ASAP1: variants seen among roughly 807,000 people sequenced by gnomAD.
ASAP1 encodes ArfGAP with SH3 domain, ankyrin repeat and PH domain 1, also known as arf-GAP with SH3 domain, ANK repeat and PH domain-containing protein 1.
A neutral mutation model predicts 145.2 loss-of-function variants in ASAP1; 43 were observed. That is an observed-to-expected ratio of 0.30 (90% CI 0.23 to 0.38). The LOEUF (loss-of-function observed/expected upper bound fraction) is 0.38, where lower values mean the gene tolerates loss of function less well. ASAP1 is among the 10% of genes least tolerant of loss of function. The pLI, the probability that ASAP1 is intolerant of heterozygous loss-of-function variation, is 1.00. For synonymous variants in ASAP1, 546 were observed against 515.5 expected (o/e 1.06, Z -0.80); for missense variants, 1,018 against 1,355.3 (o/e 0.75, Z 3.91).
At chr8:130,404,590 A>G (rs1274293277) in intron 1 of ASAP1, among the ~76,000 whole-genome samples, 1 of 152,174 alleles carries the variant, frequency 6.6e-6, no homozygotes, top group Non-Finnish European at 1.5e-5. Context: ...TCCTCAGTTT[A>G]TTATTCTTTT....
At position 130,358,631 on chromosome 8, in the gene ASAP1, G is replaced by C. The variant is rs1017028999; in HGVS notation, c.60-488C>G. On this transcript the variant is annotated intron_variant, in intron 2 of 29. Transcript: ENST00000518721. The surrounding 1 kb of genome is among the most constrained non-coding windows in gnomAD (Gnocchi z 4.1). ...TCCCGCGGCGGGCGGGCGGGCGGGC[G>C]GCGCTCGCGCTGCAGTCACGGGGCC... is the stretch of plus-strand genomic sequence containing the variant. 6.8e-6 allele frequency among the ~76,000 whole-genome samples: 1 copy of C among 147,154 alleles called. No individual in the cohort carries two copies. Among genetic ancestry groups the C allele is most frequent in the South Asian group, 2.1e-4 (1 of 4,832 alleles).
intron 1 of ASAP1, among the ~76,000 whole-genome samples, chr8:130,424,731 G>A (rs1273364693): frequency 6.6e-6 from 1 of 151,988 alleles, no homozygotes; most frequent in Non-Finnish European, 1.5e-5. Flanking sequence ...TGGTGGCTCA[G>A]GCCTGTAATC....
At chr8:130,214,520 C>CTT (rs772055686) in intron 5 of ASAP1, 36 bp downstream of exon 5, 1 of 1,548,784 alleles carries the variant, frequency 6.5e-7, no homozygotes, top group Admixed American at 2.0e-5. Flanking sequence ...TTTGGAAAGG[C>CTT]TGTAATTCTT....
intron 3 of ASAP1, among the ~76,000 whole-genome samples, chr8:130,331,750 A>G (rs1479217019): frequency 6.6e-6 from 1 of 152,058 alleles, no homozygotes; most frequent in Non-Finnish European, 1.5e-5. Context: ...AAATACAAGC[A>G]AAGCATTTAA....
intron 2 of ASAP1, among the ~76,000 whole-genome samples, chr8:130,399,838 CAG>C (rs1199285041): frequency 8.8e-6 from 1 of 114,192 alleles, no homozygotes; most frequent in African/African-American, 3.7e-5. Flanking sequence ...TTTTTTGAGA[CAG>C]AGTTTCGCTC....
intron 15 of ASAP1, 46 bp from the exon 16 acceptor site, chr8:130,128,136 GTCATTT>G: frequency 2.1e-6 from 1 of 484,642 alleles, no homozygotes; most frequent in Non-Finnish European, 2.8e-6. Flanking sequence ...TAAGAGCATG[GTCATTT>G]TTTTTTTTTT....
intron 11 of ASAP1, among the ~76,000 whole-genome samples, chr8:130,164,236 C>G (rs955200830): frequency 6.6e-6 from 1 of 152,166 alleles, no homozygotes; most frequent in Non-Finnish European, 1.5e-5. Flanking sequence ...TCAAACAAAA[C>G]AGGTGTAATT....
At chr8:130,264,684 T>C (rs1329087064) in intron 3 of ASAP1, among the ~76,000 whole-genome samples, 2 of 152,188 alleles carry the variant, frequency 1.3e-5, no homozygotes, top group African/African-American at 4.8e-5. Flanking sequence ...TAATAAATAA[T>C]GTGTTTGCTC....
chr8:130,105,056 TTTAA>T lies in ASAP1; in HGVS notation c.2401+7034_2401+7037del, dbSNP rs565084497. On this transcript the variant is annotated intron_variant, in intron 24 of 29. Transcript: ENST00000518721. ...AATAGTTTTCTTTTTTCAATTTATTTTTAATTGATAACATATATATTTATTATGT... is the reference window on the plus strand; with the variant it reads ...AATAGTTTTCTTTTTTCAATTTATTTTTGATAACATATATATTTATTATGT... Among the ~76,000 whole-genome samples, 213 of 151,930 alleles carry T rather than the reference TTTAA, an allele frequency of 1.4e-3. 1 individual carries two copies. The highest frequency in any genetic ancestry group is 4.6e-3 in the African/African-American group (192 of 41,540).
chr8:130,240,152 G>C (rs908025148), intron 3 of ASAP1, among the ~76,000 whole-genome samples: 2 of 151,966 alleles, frequency 1.3e-5, no homozygotes, highest in African/African-American at 4.8e-5. Flanking sequence ...TTCCTTTTGT[G>C]GGGGGGAGCG....
chr8:130,181,071 G>C (rs112511606), intron 7 of ASAP1, among the ~76,000 whole-genome samples, 191 bp from the exon 8 acceptor site: 3 of 151,298 alleles, frequency 2.0e-5, no homozygotes, highest in African/African-American at 7.3e-5. Flanking sequence ...TGGGGGGAGG[G>C]AGCATATGGG....
At chr8:130,119,541 A>G (rs888777511) in intron 18 of ASAP1, among the ~76,000 whole-genome samples, 2 of 152,166 alleles carry the variant, frequency 1.3e-5, no homozygotes, top group Non-Finnish European at 2.9e-5. Context: ...CCCAATGGTC[A>G]CCTTGGCCAC....
chr8:130,054,365 A>G lies in ASAP1; in HGVS notation c.*366T>C. The G allele has an allele frequency of 4.8e-6, 1 of 206,652 alleles. No homozygotes were observed. 12.8% of individuals were successfully genotyped at this position (206,652 alleles called of 1,614,324 possible). A position where few individuals can be genotyped will look rare whatever the true frequency, so the allele number is the denominator to read the frequency against. Reference sequence around the variant, plus strand: ...ACACAATTGAGAATACTGCATTGTTAGGAACAGAGTCAATTCTATGCCTTT... The same window carrying G: ...ACACAATTGAGAATACTGCATTGTTGGGAACAGAGTCAATTCTATGCCTTT... On this transcript the variant is annotated 3_prime_UTR_variant, in exon 30 of 30. Coordinates refer to ENST00000518721, the MANE Select transcript of ASAP1 (RefSeq NM_018482.4).
chr8:130,247,775 C>A (rs529271678), intron 3 of ASAP1, among the ~76,000 whole-genome samples: 11 of 152,288 alleles, frequency 7.2e-5, no homozygotes, highest in African/African-American at 2.6e-4. Context: ...TAGTGAGTGT[C>A]AGTTAAAACC....
At chr8:130,295,879 G>T (rs558380845) in intron 3 of ASAP1, among the ~76,000 whole-genome samples, 29 of 152,264 alleles carry the variant, frequency 1.9e-4, no homozygotes, top group African/African-American at 6.7e-4. Flanking sequence ...TAAATCTTAA[G>T]TATAGGAGCT....
intron 1 of ASAP1, among the ~76,000 whole-genome samples, chr8:130,408,685 A>G (rs1328796470): frequency 1.3e-5 from 2 of 152,168 alleles, no homozygotes; most frequent in South Asian, 2.1e-4. Flanking sequence ...ACCCTTTTAC[A>G]TATCAGACCC....
chr8:130,262,415 AAAGAGAGAGAGAGAGAGAGAG>A (rs1819973749), intron 3 of ASAP1, among the ~76,000 whole-genome samples: 2 of 70,182 alleles, frequency 2.8e-5, no homozygotes, highest in Admixed American at 1.7e-4. Flanking sequence ...AAAAAAAAAA[AAAGAGAGAGAGAGAGAGAGAG>A]AGAGAGAGAG....
chr8:130,087,996 G>T (rs1006789219), intron 25 of ASAP1, among the ~76,000 whole-genome samples: 2 of 152,192 alleles, frequency 1.3e-5, no homozygotes, highest in East Asian at 3.9e-4. Flanking sequence ...CTCTTTGGGG[G>T]TCAGAGGACA....
chr8:130,135,600 C>T (rs755279442), intron 14 of ASAP1, among the ~76,000 whole-genome samples: 2 of 152,196 alleles, frequency 1.3e-5, no homozygotes, highest in Non-Finnish European at 2.9e-5. Flanking sequence ...TGCTGTGTGA[C>T]CTTCTGTAGG....
Sources: gnomAD v4.1 joint callset for allele counts (sites outside exome capture counted in the v4.1 genomes callset) on GRCh38, gnomAD v4.1.1 for gene constraint, Gnocchi (gnomAD v3.1) non-coding constraint, MANE v1.5 for transcripts, NCBI Gene and HGNC (gene_info 2026-07-23, HGNC 2026-07-21) for gene names.